ZDHHC23: variants seen among roughly 807,000 people sequenced by gnomAD.
ZDHHC23 encodes zDHHC palmitoyltransferase 23.
Under a neutral mutation model 40.2 loss-of-function variants are expected in ZDHHC23, and 41 were observed. The observed-to-expected ratio is 1.02, with a 90% CI of 0.79 to 1.32. ZDHHC23 has a LOEUF of 1.32. Among genes scored for constraint, ZDHHC23 ranks in the 40% most tolerant of loss-of-function variants. The probability of loss-of-function intolerance (pLI) is 0.00; values close to 1 mark genes in which losing one functional copy is unlikely to be tolerated. For synonymous variants in ZDHHC23, 204 were observed against 210.2 expected (o/e 0.97, Z 0.26); for missense variants, 471 against 541.5 (o/e 0.87, Z 1.29).
chr3:113,964,997 CAAA>C (rs1209926788), downstream of ZDHHC23: 3 of 447,134 alleles, frequency 6.7e-6, no homozygotes, highest in Non-Finnish European at 1.2e-5. Context: ...CAGGAAAAGT[CAAA>C]GAAGGGAATA....
chr3:113,953,918 A>G lies in ZDHHC23; in HGVS notation c.380A>G (p.Tyr127Cys). Residue 127 changes from tyrosine to cysteine, a missense_variant, in exon 3 of 5, where the codon TAC becomes TGC. This residue lies in a region of ZDHHC23 where 346 missense variants were observed against 399.8 expected (regional missense o/e 0.87). Transcript: ENST00000638807. Reference sequence around the variant, plus strand: ...TCCCTTCCTGTGCTGGCACTGTGGTACTACTACCTCACTCACAGAAGGAAA... The same window carrying G: ...TCCCTTCCTGTGCTGGCACTGTGGTGCTACTACCTCACTCACAGAAGGAAA... The part of the protein sequence containing the change: ...LTSLPVLALW[Y>C]YYLTHRRKEQ... 1 of 1,614,034 alleles carries G rather than the reference A, an allele frequency of 6.2e-7. No homozygotes were observed. The highest frequency in any genetic ancestry group is 1.3e-5 in the African/African-American group (1 of 75,004).
At chr3:113,978,508 A>G in the ZDHHC23 span, 4 of 662,412 alleles carry the variant, frequency 6.0e-6, no homozygotes, top group African/African-American at 5.5e-5. Flanking sequence ...TATCCTAAAA[A>G]TGGTAAGAGA....
At chr3:113,954,489 A>G in intron 3 of ZDHHC23, 79 bp downstream of exon 3, 4 of 1,357,000 alleles carry the variant, frequency 2.9e-6, no homozygotes, top group African/African-American at 2.9e-5. Flanking sequence ...CCCTTGTGCT[A>G]TCCCAAAATT....
chr3:113,975,924 C>T, the ZDHHC23 span, among the ~76,000 whole-genome samples: 3 of 152,158 alleles, frequency 2.0e-5, no homozygotes, highest in Non-Finnish European at 2.9e-5. Context: ...GATTTCACAA[C>T]TTCAAATCCT....
At chr3:113,978,172 T>C in the ZDHHC23 span, 63 of 1,613,696 alleles carry the variant, frequency 3.9e-5, no homozygotes, top group Non-Finnish European at 5.2e-5. Context: ...TTTTCCTCAC[T>C]ATCAAAACCT....
chr3:113,964,768 C>G (rs1409246014), downstream of ZDHHC23: 3 of 153,242 alleles, frequency 2.0e-5, no homozygotes, highest in Non-Finnish European at 4.4e-5. Context: ...CCTTTCCGAG[C>G]ACTCACCCCT....
In ZDHHC23 at chr3:113,959,467, A is replaced by G; in HGVS notation, c.*837A>G. 7.9e-7 allele frequency: 1 copy of G among 1,261,402 alleles called. No individual in the cohort carries two copies. The highest frequency in any genetic ancestry group is 1.0e-6 in the Non-Finnish European group (1 of 966,676). The allele number at this position is 1,261,402 out of a possible 1,614,324, so 78.1% of individuals were successfully genotyped here. ...TTTATAAATTCTGCTTGGGTTTCTT[A>G]TAAATAACTCCAACAGGCATTCATG... On this transcript the variant is annotated 3_prime_UTR_variant, in exon 5 of 5. Transcript: ENST00000638807.
At chr3:113,976,944 C>T in the ZDHHC23 span, among the ~76,000 whole-genome samples, 1 of 152,186 alleles carries the variant, frequency 6.6e-6, no homozygotes, top group South Asian at 2.1e-4. Flanking sequence ...ACTTGCTTAT[C>T]TGTTTTCCCA....
intron 4 of ZDHHC23, chr3:113,957,718 G>GA (rs748179104): frequency 5.0e-5 from 26 of 518,256 alleles, no homozygotes; most frequent in African/African-American, 4.8e-4. Flanking sequence ...GCGAATGTTG[G>GA]AAAATCATCA....
At chr3:113,969,124 A>C (rs1298426634), downstream of ZDHHC23, among the ~76,000 whole-genome samples, 1 of 152,216 alleles carries the variant, frequency 6.6e-6, no homozygotes, top group African/African-American at 2.4e-5. Flanking sequence ...GAATGCACTC[A>C]TTTACAGAGG....
downstream of ZDHHC23, chr3:113,965,514 G>A (rs1940035404): frequency 1.4e-5 from 6 of 417,838 alleles, no homozygotes; most frequent in East Asian, 1.1e-4. Context: ...AGTGTGAAAT[G>A]CTGTGAAAAA....
At chr3:113,970,444 G>A in the ZDHHC23 span, among the ~76,000 whole-genome samples, 1 of 152,092 alleles carries the variant, frequency 6.6e-6, no homozygotes, top group African/African-American at 2.4e-5. Flanking sequence ...ACAGCCATGA[G>A]CCATCACATC....
Position 113,959,917 on chromosome 3 carries a change from T to C in ZDHHC23, c.*1287T>C, listed in dbSNP as rs1378573066. On this transcript the variant is annotated 3_prime_UTR_variant, in exon 5 of 5. Coordinates refer to ENST00000638807, the MANE Select transcript of ZDHHC23 (RefSeq NM_001320466.2). ...TAATCATATCTTAAAACCGAAAATG[T>C]ATAAAAGATTAAATATTTATGTACA... The C allele has an allele frequency of 4.0e-6, 4 of 998,738 alleles. No homozygotes were observed. The highest frequency in any genetic ancestry group is 4.8e-6 in the Non-Finnish European group (4 of 834,992). The allele number at this position is 998,738 out of a possible 1,614,324, so 61.9% of individuals were successfully genotyped here.
chr3:113,948,487 G>A, intron 1 of ZDHHC23, 199 bp from the exon 2 acceptor site: 1 of 291,852 alleles, frequency 3.4e-6, no homozygotes, highest in Non-Finnish European at 6.5e-6. Flanking sequence ...CCGCGCCCCG[G>A]CTGTCCCGGA....
chr3:113,950,105 C>A (rs575608464), intron 2 of ZDHHC23, among the ~76,000 whole-genome samples: 2 of 152,196 alleles, frequency 1.3e-5, no homozygotes, highest in Admixed American at 1.3e-4. Flanking sequence ...GAGGCATCTC[C>A]TCTGCTCTCT....
Position 113,958,828 on chromosome 3 carries a change from G to C in ZDHHC23, c.*198G>C. ...AGACTTTTATACTGAGGCAGTAAAA[G>C]TAGAGCCATTCCTTTCCAGTCACCT... is the stretch of plus-strand genomic sequence containing the variant. On this transcript the variant is annotated 3_prime_UTR_variant, in exon 5 of 5. Transcript: ENST00000638807. The C allele has an allele frequency of 7.1e-7, 1 of 1,416,688 alleles. No individual in the cohort carries two copies. The highest frequency in any genetic ancestry group is 9.3e-7 in the Non-Finnish European group (1 of 1,070,774). 87.8% of individuals were successfully genotyped at this position (1,416,688 alleles called of 1,614,324 possible).
chr3:113,974,226 T>C, the ZDHHC23 span, among the ~76,000 whole-genome samples: 4 of 152,264 alleles, frequency 2.6e-5, no homozygotes, highest in Non-Finnish European at 4.4e-5. Context: ...ATTTTGAATG[T>C]TGGTTAGAGT....
At chr3:113,978,328 C>T in the ZDHHC23 span, 9 of 1,613,484 alleles carry the variant, frequency 5.6e-6, no homozygotes, top group Middle Eastern at 1.6e-4. Context: ...AGATCAATCA[C>T]GTACTGGGGA....
chr3:113,973,714 A>G, the ZDHHC23 span, among the ~76,000 whole-genome samples: 1 of 149,552 alleles, frequency 6.7e-6, no homozygotes, highest in African/African-American at 2.5e-5. Flanking sequence ...ATTATATGTT[A>G]TTTGCCTCTT....
Sources: allele counts gnomAD v4.1 joint callset (sites outside exome capture counted in the v4.1 genomes callset), GRCh38; gene constraint gnomAD v4.1.1; regional missense constraint gnomAD v4.1.1; transcripts MANE v1.5; gene names NCBI Gene and HGNC (gene_info 2026-07-23, HGNC 2026-07-21).